The following KSR1 variants were observed in gnomAD, a reference collection of about 807,000 sequenced individuals.
KSR1 encodes kinase suppressor of ras 1, also known as kinase suppressor of ras.
KSR1 carries 35 observed loss-of-function variants against 92.9 expected under a neutral mutation model. That is an observed-to-expected ratio of 0.38 (90% CI 0.29 to 0.50). KSR1 has a LOEUF of 0.50. KSR1 is among the 20% of genes least tolerant of loss of function. The probability of loss-of-function intolerance (pLI) is 0.94; values close to 1 mark genes in which losing one functional copy is unlikely to be tolerated. For missense variants in KSR1, 972 were observed against 1,158.5 expected (o/e 0.84, Z 2.34); for synonymous variants, 467 against 472.6 (o/e 0.99, Z 0.15).
chr17:27,616,078 G>A lies in KSR1; in HGVS notation c.2494-1217G>A, dbSNP rs1304371295. 2.0e-5 allele frequency among the ~76,000 whole-genome samples: 3 copies of A among 152,180 alleles called. No individual in the cohort carries two copies. In the East Asian group the frequency reaches 5.8e-4, roughly 29 times the overall value. ...TGAAATTTCATAAACATATATCTGA[G>A]GGTAGAGTTTTTTTGTGTGTTTGTT... On this transcript the variant is annotated intron_variant, in intron 18 of 20. Transcript: ENST00000644974.
chr17:27,550,313 C>T (rs541492146), intron 1 of KSR1, among the ~76,000 whole-genome samples: 46 of 152,360 alleles, frequency 3.0e-4, no homozygotes, highest in Admixed American at 3.9e-4. Flanking sequence ...TTGCCCATGA[C>T]GCTCATGTCC....
At chr17:27,583,177 A>G in intron 4 of KSR1, 72 bp downstream of exon 4, 2 of 1,107,666 alleles carry the variant, frequency 1.8e-6, no homozygotes, top group African/African-American at 1.6e-5. Context: ...ATATGGAAGG[A>G]CCAATAAAAT....
At chr17:27,478,343 A>T (rs1567747478) in intron 1 of KSR1, among the ~76,000 whole-genome samples, 1 of 152,146 alleles carries the variant, frequency 6.6e-6, no homozygotes, top group Non-Finnish European at 1.5e-5. Flanking sequence ...TACCTTGGTC[A>T]AGTTATTTTG....
chr17:27,510,366 G>C (rs1234843691), intron 1 of KSR1, among the ~76,000 whole-genome samples: 1 of 151,924 alleles, frequency 6.6e-6, no homozygotes, highest in Non-Finnish European at 1.5e-5. Context: ...AGGGAGTGTT[G>C]GTGGTGATAA....
chr17:27,557,432 C>T (rs2071643565), intron 2 of KSR1, among the ~76,000 whole-genome samples: 1 of 152,210 alleles, frequency 6.6e-6, no homozygotes, highest in South Asian at 2.1e-4. Flanking sequence ...GCTGCTGGTG[C>T]CCACTGTGGT....
chr17:27,548,375 C>G (rs562906576), intron 1 of KSR1, among the ~76,000 whole-genome samples: 58 of 152,228 alleles, frequency 3.8e-4, no homozygotes, highest in African/African-American at 1.4e-3. Context: ...AAATTTGGAG[C>G]CTTTCTAGAT....
chr17:27,605,283 C>A, intron 13 of KSR1, 151 bp from the exon 14 acceptor site: 1 of 1,014,132 alleles, frequency 9.9e-7, no homozygotes. Flanking sequence ...GTGAGCTGCA[C>A]AGCAGGCCAG....
intron 2 of KSR1, among the ~76,000 whole-genome samples, chr17:27,553,316 A>G (rs1373285210): frequency 6.6e-6 from 1 of 152,240 alleles, no homozygotes; most frequent in Non-Finnish European, 1.5e-5. Context: ...AGAGGCCTGC[A>G]CATACGGCAG....
chr17:27,558,467 C>T (rs903096989), intron 2 of KSR1, among the ~76,000 whole-genome samples: 3 of 152,050 alleles, frequency 2.0e-5, no homozygotes, highest in African/African-American at 7.2e-5. Flanking sequence ...CACATACATG[C>T]GCACACAGTG....
At chr17:27,487,389 C>T (rs113270706) in intron 1 of KSR1, among the ~76,000 whole-genome samples, 7,021 of 152,106 alleles carry the variant, frequency 0.046, 529 homozygotes, top group African/African-American at 0.16. Flanking sequence ...GAGCCGAGAT[C>T]GCGCCTCTGC....
chr17:27,531,905 T>C (rs987571961), intron 1 of KSR1, among the ~76,000 whole-genome samples: 1 of 152,182 alleles, frequency 6.6e-6, no homozygotes, highest in African/African-American at 2.4e-5. Flanking sequence ...TAAATAAAAA[T>C]AGGGAACCAG....
intron 1 of KSR1, among the ~76,000 whole-genome samples, chr17:27,520,729 C>T (rs978810328): frequency 6.6e-6 from 1 of 152,204 alleles, no homozygotes; most frequent in Non-Finnish European, 1.5e-5. Context: ...TCCCAGGCCC[C>T]GCTGCCTCCA....
In KSR1 at chr17:27,610,299, C is replaced by G. The variant is rs529625143; in HGVS notation, c.2357+101C>G. The G allele has an allele frequency of 8.2e-5, 124 of 1,520,134 alleles. 3 individuals are homozygous for G. The South Asian group carries it at 1.5e-3, about 18-fold the overall frequency. The allele number at this position is 1,520,134 out of a possible 1,614,324, so 94.2% of individuals were successfully genotyped here. On this transcript the variant is annotated intron_variant, in intron 17 of 20. Coordinates refer to ENST00000644974, the MANE Select transcript of KSR1 (RefSeq NM_001394583.1). ...AGGCATGCTTTTAGGTGTTGAAAAC[C>G]CAGGCTCTGGAGTAAAAAATCAACC...
chr17:27,558,110 C>G (rs1224318550), intron 2 of KSR1: 1 of 152,534 alleles, frequency 6.6e-6, no homozygotes, highest in East Asian at 1.9e-4. Flanking sequence ...TTTTTCAACA[C>G]CAAGCAAGTA....
At chr17:27,592,197 G>C (rs192295374) in intron 7 of KSR1, among the ~76,000 whole-genome samples, 164 bp from the exon 8 acceptor site, 116 of 152,246 alleles carry the variant, frequency 7.6e-4, no homozygotes, top group African/African-American at 2.8e-3. Context: ...TGTAGCAGCT[G>C]CTATTACTAT....
chr17:27,535,386 T>A (rs1007471559), intron 1 of KSR1, among the ~76,000 whole-genome samples: 1 of 152,170 alleles, frequency 6.6e-6, no homozygotes, highest in Non-Finnish European at 1.5e-5. Context: ...GAATGCACAG[T>A]CATGTCACTA....
At chr17:27,542,848 AT>A (rs1288968360) in intron 1 of KSR1, among the ~76,000 whole-genome samples, 1 of 152,082 alleles carries the variant, frequency 6.6e-6, no homozygotes, top group Admixed American at 6.6e-5. Context: ...CATGTATTAT[AT>A]TTTCTCTGCT....
At chr17:27,587,596 A>G (rs561596700) in intron 5 of KSR1, 1 of 152,194 alleles carries the variant, frequency 6.6e-6, no homozygotes, top group African/African-American at 2.4e-5. Flanking sequence ...ATTCTACTGA[A>G]CCAGTCCAGA....
intron 2 of KSR1, among the ~76,000 whole-genome samples, chr17:27,562,038 T>C (rs1012262366): frequency 3.3e-5 from 5 of 151,882 alleles, no homozygotes; most frequent in African/African-American, 1.2e-4. Flanking sequence ...TAGAGACGGG[T>C]TTTTTCCATG....
Sources: allele counts gnomAD v4.1 joint callset (sites outside exome capture counted in the v4.1 genomes callset), GRCh38; gene constraint gnomAD v4.1.1; transcripts MANE v1.5; gene names NCBI Gene and HGNC (gene_info 2026-07-23, HGNC 2026-07-21).